The following FAT3 variants were observed in gnomAD, a reference collection of about 807,000 sequenced individuals.
FAT3 encodes the protein FAT atypical cadherin 3, also known as protocadherin Fat 3.
Under a neutral mutation model 310.2 loss-of-function variants are expected in FAT3, and 95 were observed. The observed-to-expected ratio is 0.31, with a 90% CI of 0.26 to 0.36. FAT3 has a LOEUF of 0.36. FAT3 is among the 10% of genes least tolerant of loss of function. The pLI is 1.00. For synonymous variants in FAT3, 2,314 were observed against 2,192.9 expected (o/e 1.06, Z -1.54); for missense variants, 5,408 against 5,715.6 (o/e 0.95, Z 1.74).
At chr11:92,836,474 C>T in intron 15 of FAT3, 92 bp from the exon 16 acceptor site, 2 of 1,446,850 alleles carry the variant, frequency 1.4e-6, no homozygotes, top group Non-Finnish European at 9.3e-7. Flanking sequence ...ACTGTCACAG[C>T]TGCACCCATT....
intron 3 of FAT3, among the ~76,000 whole-genome samples, chr11:92,683,664 C>A (rs1943550419): frequency 6.6e-6 from 1 of 152,156 alleles, no homozygotes; most frequent in South Asian, 2.1e-4. Flanking sequence ...GCCAACCACC[C>A]CAGTGCCTAG....
chr11:92,429,287 T>C (rs192570860), intron 2 of FAT3, among the ~76,000 whole-genome samples: 2 of 152,280 alleles, frequency 1.3e-5, no homozygotes, highest in African/African-American at 2.4e-5. Context: ...GCAAGTGAGA[T>C]GGGTCTCCTG....
intron 1 of FAT3, among the ~76,000 whole-genome samples, chr11:92,317,757 G>A (rs1246905277): frequency 6.6e-6 from 1 of 152,174 alleles, no homozygotes; most frequent in Non-Finnish European, 1.5e-5. Context: ...TTCTGGCCAG[G>A]ATCAAAGTGG....
In FAT3 at chr11:92,892,133, TAAGAAAA is replaced by T. The variant is rs770648912; in HGVS notation, c.*1021_*1027del. 2.0e-5 allele frequency: 3 copies of T among 152,272 alleles called. No homozygotes were observed. Among genetic ancestry groups the T allele is most frequent in the South Asian group, 4.2e-4 (2 of 4,818 alleles). The allele number at this position is 152,272 out of a possible 1,614,324, so 9.4% of individuals were successfully genotyped here. A position where few individuals can be genotyped will look rare whatever the true frequency, so the allele number is the denominator to read the frequency against. On this transcript the variant is annotated 3_prime_UTR_variant, in exon 28 of 28. Coordinates refer to ENST00000525166, the MANE Select transcript of FAT3 (RefSeq NM_001367949.2). Reference sequence around the variant, plus strand: ...ATCACCATTATAAATACAATTATGTTAAGAAAAGAGGAAAGTAGACTAGTTATTGTGT... The same window carrying T: ...ATCACCATTATAAATACAATTATGTTGAGGAAAGTAGACTAGTTATTGTGT...
chr11:92,539,039 A>G (rs935940137), intron 3 of FAT3, among the ~76,000 whole-genome samples: 4 of 152,096 alleles, frequency 2.6e-5, no homozygotes, highest in African/African-American at 9.7e-5. Flanking sequence ...ACCTCCCACC[A>G]CTTAAGTAAA....
intron 1 of FAT3, among the ~76,000 whole-genome samples, chr11:92,237,286 C>G (rs1864469460): frequency 6.6e-6 from 1 of 152,106 alleles, no homozygotes; most frequent in African/African-American, 2.4e-5. Context: ...TCCGGGCAGG[C>G]TGGAGCAGTC....
intron 4 of FAT3, among the ~76,000 whole-genome samples, chr11:92,701,738 G>A (rs1261708084): frequency 6.6e-6 from 1 of 152,194 alleles, no homozygotes; most frequent in Admixed American, 6.5e-5. Flanking sequence ...ATGAAACAGT[G>A]AATTAACGTT....
intron 5 of FAT3, among the ~76,000 whole-genome samples, chr11:92,763,528 C>G (rs1946216181): frequency 6.6e-6 from 1 of 152,102 alleles, no homozygotes; most frequent in African/African-American, 2.4e-5. Context: ...CACAGCTGCC[C>G]TGTTCTCCAG....
At chr11:92,682,580 A>G (rs993591351) in intron 3 of FAT3, among the ~76,000 whole-genome samples, 1 of 152,212 alleles carries the variant, frequency 6.6e-6, no homozygotes, top group Non-Finnish European at 1.5e-5. Flanking sequence ...TGGGAAGTTA[A>G]TCACAAATAC....
chr11:92,329,003 A>C (rs1024622578), intron 1 of FAT3, among the ~76,000 whole-genome samples: 2 of 152,174 alleles, frequency 1.3e-5, no homozygotes, highest in African/African-American at 4.8e-5. Flanking sequence ...ACCTTCAAAC[A>C]ATAAAGAAGA....
rs755975988 is a variant in FAT3, at chr11:92,789,935, A to G, written c.4336-8A>G. 1 of 1,611,828 alleles carries G rather than the reference A, an allele frequency of 6.2e-7. No individual in the cohort carries two copies. Among genetic ancestry groups the G allele is most frequent in the Non-Finnish European group, 8.5e-7 (1 of 1,178,230 alleles). ...TTAGTCATCATTCTTTTCTTCTTTT[A>G]ACTACAGGTATTTATCAAAGTGCTG... On this transcript the variant is annotated splice_polypyrimidine_tract_variant and splice_region_variant and intron_variant, in intron 7 of 27. Transcript: ENST00000525166.
chr11:92,817,211 G>A (rs927114725), intron 13 of FAT3, among the ~76,000 whole-genome samples: 26 of 152,274 alleles, frequency 1.7e-4, no homozygotes, highest in African/African-American at 6.0e-4. Context: ...GAGGGGAAAG[G>A]TGAGCGGGAG....
intron 3 of FAT3, among the ~76,000 whole-genome samples, chr11:92,624,374 A>T (rs760528380): frequency 3.2e-4 from 49 of 152,334 alleles, no homozygotes; most frequent in Non-Finnish European, 6.3e-4. Flanking sequence ...AGAAATTAGC[A>T]GGAAAAAAAC....
intron 1 of FAT3, among the ~76,000 whole-genome samples, chr11:92,281,143 T>TA (rs1565198430): frequency 6.6e-6 from 1 of 152,108 alleles, no homozygotes; most frequent in Admixed American, 6.6e-5. Context: ...TTTGATAAGA[T>TA]AAAACCTATA....
In FAT3 at chr11:92,792,430, G is replaced by A. The variant is rs184933954; in HGVS notation, c.4612-337G>A. On this transcript the variant is annotated intron_variant, in intron 8 of 27. Coordinates refer to ENST00000525166, the MANE Select transcript of FAT3 (RefSeq NM_001367949.2). ...TACCCACTATTCTGTTATCAGCTGTGTACACAAATAAGGGGGAGGCCACTA... is the reference window on the plus strand; with the variant it reads ...TACCCACTATTCTGTTATCAGCTGTATACACAAATAAGGGGGAGGCCACTA... 1.7e-3 allele frequency among the ~76,000 whole-genome samples: 254 copies of A among 152,250 alleles called. 3 individuals carry two copies. The highest frequency in any genetic ancestry group is 5.6e-3 in the African/African-American group (234 of 41,550).
intron 3 of FAT3, among the ~76,000 whole-genome samples, chr11:92,614,856 A>G (rs926992360): frequency 6.6e-6 from 1 of 152,220 alleles, no homozygotes; most frequent in South Asian, 2.1e-4. Context: ...ATTTAGATCT[A>G]TGATTCATTT....
rs758587642 is a variant in FAT3, at chr11:92,412,702, GATATATATATATATAT to G, written c.3292+57326_3292+57341del. ...GTAAAAGTCCAACTATGATGGTGGT[GATATATATATATATAT>G]ATATATATATATATATATATATATA... On this transcript the variant is annotated intron_variant, in intron 2 of 27. Coordinates refer to ENST00000525166, the MANE Select transcript of FAT3 (RefSeq NM_001367949.2). Among the ~76,000 whole-genome samples, 14 of 13,470 alleles carry G rather than the reference GATATATATATATATAT, an allele frequency of 1.0e-3. 5 individuals are homozygous for G. The highest frequency in any genetic ancestry group is 0.077 in the Middle Eastern group (2 of 26). 8.8% of individuals were successfully genotyped at this position (13,470 alleles called of 152,430 possible).
chr11:92,296,848 G>A (rs1016506936), intron 1 of FAT3, among the ~76,000 whole-genome samples: 1 of 152,008 alleles, frequency 6.6e-6, no homozygotes, highest in Non-Finnish European at 1.5e-5. Flanking sequence ...TCAGAACCTA[G>A]ACAAGAGTAC....
chr11:92,504,163 G>C (rs1953031054), intron 2 of FAT3, among the ~76,000 whole-genome samples: 1 of 152,112 alleles, frequency 6.6e-6, no homozygotes, highest in South Asian at 2.1e-4. Flanking sequence ...CCAAAAACAA[G>C]TTGTGCCATG....
Sources: allele counts gnomAD v4.1 joint callset (sites outside exome capture counted in the v4.1 genomes callset), GRCh38; gene constraint gnomAD v4.1.1; transcripts MANE v1.5; gene names NCBI Gene and HGNC (gene_info 2026-07-23, HGNC 2026-07-21).